PTPRD: variants seen among roughly 807,000 people sequenced by gnomAD.
PTPRD encodes the protein receptor-type tyrosine-protein phosphatase delta.
Under a neutral mutation model 214.5 loss-of-function variants are expected in PTPRD, and 34 were observed. The ratio of observed to expected loss-of-function variants is 0.16; its 90% CI spans 0.12 to 0.21. PTPRD has a LOEUF of 0.21. PTPRD is among the 10% of genes least tolerant of loss of function. The probability of loss-of-function intolerance (pLI) is 1.00; values close to 1 mark genes in which losing one functional copy is unlikely to be tolerated. For synonymous variants in PTPRD, 1,128 were observed against 845.7 expected, an observed-to-expected ratio of 1.33 and a Z score of -5.79; for missense variants, 2,545 against 2,398.7, an observed-to-expected ratio of 1.06 and a Z score of -1.27.
intron 14 of PTPRD, among the ~76,000 whole-genome samples, chr9:8,590,724 A>G (rs909493237): frequency 6.6e-5 from 10 of 152,212 alleles, no homozygotes; most frequent in African/African-American, 2.4e-4. Context: ...TAGTAAATAT[A>G]GAAATACTAG....
At chr9:9,423,892 T>C (rs1200235280) in intron 8 of PTPRD, among the ~76,000 whole-genome samples, 1 of 152,092 alleles carries the variant, frequency 6.6e-6, no homozygotes, top group African/African-American at 2.4e-5. Context: ...CGAGAAACAA[T>C]GAAAAGGTCT....
intron 11 of PTPRD, among the ~76,000 whole-genome samples, chr9:8,743,455 T>A (rs942092180): frequency 6.6e-6 from 1 of 152,130 alleles, no homozygotes; most frequent in African/African-American, 2.4e-5. Flanking sequence ...AGGAAAGAAA[T>A]ACTCAGTTTC....
Position 10,184,567 on chromosome 9 carries a change from C to T in PTPRD, c.-544-150777G>A, listed in dbSNP as rs980525174. 2.0e-5 allele frequency among the ~76,000 whole-genome samples: 3 copies of T among 152,082 alleles called. No individual in the cohort carries two copies. The East Asian group carries it at 5.8e-4, about 29-fold the overall frequency. On this transcript the variant is annotated intron_variant, in intron 3 of 45. Coordinates refer to ENST00000381196, the MANE Select transcript of PTPRD (RefSeq NM_002839.4). Reference sequence around the variant, plus strand: ...TAGAATATAGTATGTGTTTGGTAAACGTTTGTTATACTTTGATAGCAATTC... The same window carrying T: ...TAGAATATAGTATGTGTTTGGTAAATGTTTGTTATACTTTGATAGCAATTC...
intron 3 of PTPRD, among the ~76,000 whole-genome samples, chr9:10,264,784 G>C (rs1595693357): frequency 6.6e-6 from 1 of 152,066 alleles, no homozygotes; most frequent in African/African-American, 2.4e-5. Flanking sequence ...GAATGATATG[G>C]TTTTGCTGTG....
At chr9:9,618,715 T>C (rs1263083555) in intron 7 of PTPRD, among the ~76,000 whole-genome samples, 2 of 152,166 alleles carry the variant, frequency 1.3e-5, no homozygotes, top group Admixed American at 1.3e-4. Context: ...ATCAAGTAGG[T>C]ATTAAATATA....
intron 4 of PTPRD, among the ~76,000 whole-genome samples, chr9:9,957,858 A>T (rs1249242276): frequency 1.3e-5 from 2 of 152,084 alleles, no homozygotes; most frequent in African/African-American, 2.4e-5. Flanking sequence ...ACAGAATAGA[A>T]GATTAGCACT....
intron 10 of PTPRD, among the ~76,000 whole-genome samples, chr9:9,019,484 C>A (rs2099554541): frequency 6.6e-6 from 1 of 152,142 alleles, no homozygotes; most frequent in African/African-American, 2.4e-5. Flanking sequence ...GCAGGCAGAT[C>A]ACTTAAGGTC....
Position 8,453,540 on chromosome 9 carries a change from C to T in PTPRD, c.3876-3703G>A, listed in dbSNP as rs138549936. The stretch of plus-strand genomic sequence containing the variant: ...AAAAACAAAAACAAACTATTTTGCA[C>T]GTGTTTTTCTGCTGGACAAATGGAT... On this transcript the variant is annotated intron_variant, in intron 33 of 45. Transcript: ENST00000381196. Among the ~76,000 whole-genome samples the T allele has an allele frequency of 8.7e-4, 132 of 152,254 alleles. 1 individual carries two copies. In the East Asian group the frequency reaches 0.016, roughly 19 times the overall value.
At chr9:9,637,795 G>A (rs987400095) in intron 7 of PTPRD, among the ~76,000 whole-genome samples, 21 of 152,178 alleles carry the variant, frequency 1.4e-4, no homozygotes, top group African/African-American at 4.8e-4. Flanking sequence ...GCTCGGCATT[G>A]CCCTAGTGGG....
chr9:9,684,200 A>T (rs1448169542), intron 7 of PTPRD, among the ~76,000 whole-genome samples: 1 of 151,702 alleles, frequency 6.6e-6, no homozygotes, highest in Non-Finnish European at 1.5e-5. Flanking sequence ...TATGTCACTC[A>T]AGGAATCATG....
chr9:10,392,492 T>C (rs2098088053), intron 2 of PTPRD, among the ~76,000 whole-genome samples: 1 of 151,874 alleles, frequency 6.6e-6, no homozygotes, highest in Admixed American at 6.6e-5. Flanking sequence ...ATTCCTTATT[T>C]TATTTAATGA....
At chr9:9,793,026 G>A (rs1565306462) in intron 5 of PTPRD, among the ~76,000 whole-genome samples, 1 of 152,010 alleles carries the variant, frequency 6.6e-6, no homozygotes, top group Non-Finnish European at 1.5e-5. Flanking sequence ...ATTTATTGTA[G>A]GCACAAAAAT....
At chr9:10,591,841 C>A (rs2075527496) in intron 2 of PTPRD, among the ~76,000 whole-genome samples, 1 of 152,024 alleles carries the variant, frequency 6.6e-6, no homozygotes, top group Non-Finnish European at 1.5e-5. Context: ...TCACAGGCAG[C>A]CCTAGCAAGC....
At chr9:8,880,423 G>A (rs534297243) in intron 11 of PTPRD, among the ~76,000 whole-genome samples, 40 of 152,150 alleles carry the variant, frequency 2.6e-4, no homozygotes, top group South Asian at 1.5e-3. Context: ...TTTCTTTCAC[G>A]AAGATGATGA....
chr9:9,460,377 T>C (rs771864358), intron 8 of PTPRD, among the ~76,000 whole-genome samples: 8 of 151,914 alleles, frequency 5.3e-5, no homozygotes, highest in Non-Finnish European at 8.8e-5. Context: ...AGAGAAACAA[T>C]CAACAGAGTA....
At chr9:9,187,912 G>C (rs535450761) in intron 9 of PTPRD, among the ~76,000 whole-genome samples, 4 of 151,582 alleles carry the variant, frequency 2.6e-5, no homozygotes, top group Non-Finnish European at 5.9e-5. Context: ...TAAATTAAGA[G>C]ATAATTTAAA....
intron 39 of PTPRD, among the ~76,000 whole-genome samples, chr9:8,373,953 T>G (rs1177001031): frequency 1.3e-5 from 2 of 151,344 alleles, no homozygotes; most frequent in Non-Finnish European, 2.9e-5. Flanking sequence ...TGCCTCCACT[T>G]TAATTTACGG....
At chr9:8,328,775 T>C (rs906744691) in intron 44 of PTPRD, among the ~76,000 whole-genome samples, 1 of 152,138 alleles carries the variant, frequency 6.6e-6, no homozygotes, top group South Asian at 2.1e-4. Context: ...TTTCATTGAG[T>C]TGATCTTCAA....
intron 10 of PTPRD, among the ~76,000 whole-genome samples, chr9:9,143,216 G>T (rs2099863228): frequency 6.6e-6 from 1 of 152,082 alleles, no homozygotes; most frequent in African/African-American, 2.4e-5. Context: ...CATCTCATTT[G>T]ATGTTTATGC....
Sources: gnomAD v4.1 joint callset for allele counts (sites outside exome capture counted in the v4.1 genomes callset) on GRCh38, gnomAD v4.1.1 for gene constraint, MANE v1.5 for transcripts, NCBI Gene and HGNC (gene_info 2026-07-23, HGNC 2026-07-21) for gene names.